EFCAB5: variants seen among roughly 807,000 people sequenced by gnomAD.
The protein encoded by EFCAB5 is EF-hand calcium binding domain 5.
A neutral mutation model predicts 167.9 loss-of-function variants in EFCAB5; 131 were observed. The observed-to-expected ratio is 0.78, with a 90% CI of 0.68 to 0.90. EFCAB5 has a LOEUF of 0.90. EFCAB5 is among the 40% of genes least tolerant of loss of function. The pLI is 0.00. For synonymous variants in EFCAB5, 574 were observed against 602.8 expected (o/e 0.95, Z 0.70); for missense variants, 1,663 against 1,745.2 (o/e 0.95, Z 0.84).
intron 6 of EFCAB5, among the ~76,000 whole-genome samples, chr17:29,998,273 A>C (rs2068588555): frequency 6.6e-6 from 1 of 152,176 alleles, no homozygotes; most frequent in Non-Finnish European, 1.5e-5. Flanking sequence ...TTTTTGAATG[A>C]GGGTACAGAA....
chr17:29,977,164 G>GA (rs1356322785), intron 4 of EFCAB5, among the ~76,000 whole-genome samples: 1 of 151,922 alleles, frequency 6.6e-6, no homozygotes, highest in African/African-American at 2.4e-5. Flanking sequence ...CAGTGTTTGG[G>GA]ATTGCATATT....
chr17:29,956,730 G>A (rs1024777816), intron 3 of EFCAB5, among the ~76,000 whole-genome samples: 6 of 152,114 alleles, frequency 3.9e-5, no homozygotes, highest in African/African-American at 1.2e-4. Flanking sequence ...ATATAAAAGA[G>A]CACATACTCT....
chr17:30,033,124 G>A (rs2069521994), intron 7 of EFCAB5, among the ~76,000 whole-genome samples: 1 of 151,802 alleles, frequency 6.6e-6, no homozygotes, highest in Admixed American at 6.6e-5. Context: ...TCTCGCCCAG[G>A]CTGGAGTGCA....
At chr17:29,957,605 T>C (rs914147011) in intron 3 of EFCAB5, among the ~76,000 whole-genome samples, 2 of 152,176 alleles carry the variant, frequency 1.3e-5, no homozygotes, top group African/African-American at 4.8e-5. Flanking sequence ...CTGTGTTAGT[T>C]TGTTGAGGAT....
chr17:30,065,969 T>C (rs1457987954), intron 14 of EFCAB5, among the ~76,000 whole-genome samples: 1 of 152,224 alleles, frequency 6.6e-6, no homozygotes, highest in African/African-American at 2.4e-5. Flanking sequence ...TTGTTAGATC[T>C]AAAGGGAGAG....
At position 30,039,550 on chromosome 17, in the gene EFCAB5, A is replaced by G. The variant is rs146841110; in HGVS notation, c.1200+5165A>G. On this transcript the variant is annotated intron_variant, in intron 8 of 22. Coordinates refer to ENST00000394835, the MANE Select transcript of EFCAB5 (RefSeq NM_198529.4). ...CCAGGGAGACCACTGCCACCCCTGC[A>G]TCTTGCTTGTGGTGGAGGTACCAAG... Among the ~76,000 whole-genome samples, 52 of 152,266 alleles carry G rather than the reference A, an allele frequency of 3.4e-4. No homozygotes were observed. In the East Asian group the frequency reaches 9.7e-3, roughly 28 times the overall value.
Position 30,080,778 on chromosome 17 carries a change from C to T in EFCAB5, c.3223C>T (p.Pro1075Ser). ...ISFTVVDEGKPIHVPQVQYHG... is the reference protein window; with the variant it reads ...ISFTVVDEGKSIHVPQVQYHG... ...CTTTACAGTAGTGGATGAAGGGAAGCCAATCCATGTTCCCCAAGTTCAGTA... is the reference window on the plus strand; with the variant it reads ...CTTTACAGTAGTGGATGAAGGGAAGTCAATCCATGTTCCCCAAGTTCAGTA... Residue 1075 changes from proline (P) to serine (S), a missense_variant, in exon 17 of 23, where the codon CCA (proline) becomes TCA (serine). By Grantham distance (74) the Pro-to-Ser change is moderately conservative. Coordinates refer to ENST00000394835, the MANE Select transcript of EFCAB5 (RefSeq NM_198529.4). 1 of 1,608,528 alleles carries T rather than the reference C, an allele frequency of 6.2e-7. No homozygotes were observed.
intron 14 of EFCAB5, among the ~76,000 whole-genome samples, chr17:30,075,606 G>A (rs1007972408): frequency 2.0e-5 from 3 of 152,086 alleles, no homozygotes; most frequent in African/African-American, 4.8e-5. Flanking sequence ...CATCTCATAC[G>A]GATACCCTGT....
chr17:29,959,668 G>A (rs1276729675), intron 3 of EFCAB5, among the ~76,000 whole-genome samples: 1 of 152,132 alleles, frequency 6.6e-6, no homozygotes, highest in Admixed American at 6.5e-5. Flanking sequence ...GACTCTGCTT[G>A]GTACTTTATT....
chr17:30,036,322 A>G (rs2069624502), intron 8 of EFCAB5, among the ~76,000 whole-genome samples: 1 of 134,328 alleles, frequency 7.4e-6, no homozygotes, highest in African/African-American at 2.8e-5. Flanking sequence ...TAATACACAT[A>G]TATAATATAT....
At chr17:30,052,886 G>A (rs985559753) in intron 9 of EFCAB5, among the ~76,000 whole-genome samples, 1 of 152,156 alleles carries the variant, frequency 6.6e-6, no homozygotes, top group Admixed American at 6.5e-5. Context: ...AAATATATTT[G>A]ACATGAAAGA....
At chr17:29,935,904 T>C (rs1567664949) in intron 1 of EFCAB5, among the ~76,000 whole-genome samples, 1 of 152,184 alleles carries the variant, frequency 6.6e-6, no homozygotes. Flanking sequence ...CACAGACTTC[T>C]GAAGCAGGAG....
intron 20 of EFCAB5, 70 bp from the exon 21 acceptor site, chr17:30,091,801 A>G: frequency 6.6e-7 from 1 of 1,516,826 alleles, no homozygotes; most frequent in East Asian, 2.3e-5. Context: ...TCAGAATCCT[A>G]TGAAAAAGTA....
At chr17:29,941,604 C>T, upstream of EFCAB5, 1 of 505,300 alleles carries the variant, frequency 2.0e-6, no homozygotes, top group Non-Finnish European at 3.5e-6. Context: ...AACAGTAATA[C>T]AGTTGGAAAA....
upstream of EFCAB5, among the ~76,000 whole-genome samples, chr17:29,940,177 G>A (rs2067279591): frequency 3.3e-5 from 5 of 151,772 alleles, no homozygotes; most frequent in Admixed American, 3.3e-4. Context: ...CCGGGTTCAA[G>A]CCATTTTCCT....
chr17:30,002,243 G>T (rs1349336393), intron 7 of EFCAB5, among the ~76,000 whole-genome samples: 3 of 151,894 alleles, frequency 2.0e-5, no homozygotes, highest in African/African-American at 4.8e-5. Context: ...GTACAGAGAG[G>T]TCCCATATGC....
At chr17:29,947,739 C>T (rs1425654315) in intron 3 of EFCAB5, among the ~76,000 whole-genome samples, 2 of 152,148 alleles carry the variant, frequency 1.3e-5, no homozygotes, top group Non-Finnish European at 2.9e-5. Context: ...CTTCCTTATG[C>T]CAAACATCTA....
chr17:30,007,750 G>T (rs564232029), intron 7 of EFCAB5, among the ~76,000 whole-genome samples: 1 of 152,180 alleles, frequency 6.6e-6, no homozygotes, highest in African/African-American at 2.4e-5. Context: ...ATTTTGGAAG[G>T]CCAAGGCTGG....
At chr17:29,964,868 G>A (rs1049922366) in intron 3 of EFCAB5, among the ~76,000 whole-genome samples, 3 of 149,200 alleles carry the variant, frequency 2.0e-5, no homozygotes, top group Admixed American at 6.7e-5. Flanking sequence ...CTACTTTTTC[G>A]AGTTTCTTAA....
Sources: allele counts gnomAD v4.1 joint callset (sites outside exome capture counted in the v4.1 genomes callset), GRCh38; gene constraint gnomAD v4.1.1; transcripts MANE v1.5; gene names NCBI Gene and HGNC (gene_info 2026-07-23, HGNC 2026-07-21).